Variants in TUBB8B observed in about 807,000 individuals in gnomAD.
TUBB8B encodes HSA18p11 beta-tubulin 4Q pseudogene.
In TUBB8B, 26 loss-of-function variants were observed where a neutral mutation model predicts 31.9. The ratio of observed to expected loss-of-function variants is 0.81; its 90% CI spans 0.60 to 1.13. The LOEUF is 1.13. Among genes scored for constraint, TUBB8B ranks in the 50% most tolerant of loss-of-function variants. The pLI is 0.00. For missense variants in TUBB8B, 467 were observed against 586.7 expected, an observed-to-expected ratio of 0.80 and a Z score of 2.11; for synonymous variants, 173 against 231.0, an observed-to-expected ratio of 0.75 and a Z score of 2.28.
At chr18:71,070 A>G in the TUBB8B span, among the ~76,000 whole-genome samples, 4 of 151,186 alleles carry the variant, frequency 2.6e-5, no homozygotes, top group African/African-American at 7.3e-5. Flanking sequence ...CGACGTAAAG[A>G]TCCTGCTTAA....
chr18:56,639 A>G, the TUBB8B span, among the ~76,000 whole-genome samples: 1 of 151,918 alleles, frequency 6.6e-6, no homozygotes. Context: ...GGCATATAGA[A>G]ATCCTACTGA....
the TUBB8B span, among the ~76,000 whole-genome samples, chr18:65,523 C>T: frequency 6.6e-6 from 1 of 152,130 alleles, no homozygotes; most frequent in Non-Finnish European, 1.5e-5. Flanking sequence ...ACAAAGTCAA[C>T]ACCATTTCAT....
chr18:58,666 A>G, the TUBB8B span, among the ~76,000 whole-genome samples: 2 of 151,886 alleles, frequency 1.3e-5, no homozygotes, highest in South Asian at 4.2e-4. Flanking sequence ...TGAATCCTAC[A>G]AACTCTTCCA....
the TUBB8B span, among the ~76,000 whole-genome samples, chr18:58,917 T>C: frequency 2.6e-5 from 4 of 151,736 alleles, no homozygotes; most frequent in African/African-American, 9.7e-5. Context: ...TTTACAGTCA[T>C]GGCAAAAGTT....
At chr18:73,000 A>C in the TUBB8B span, among the ~76,000 whole-genome samples, 1 of 152,102 alleles carries the variant, frequency 6.6e-6, no homozygotes, top group African/African-American at 2.4e-5. Context: ...ATGAGCACTG[A>C]TCCGGGGGTG....
At position 47,580 on chromosome 18, in the gene TUBB8B, G is replaced by A; in HGVS notation, c.1145C>T (p.Ser382Leu). The change falls in exon 4 of 4, where the codon TCA becomes TTA. Residue 382 changes from serine (S) to leucine (L), a missense_variant. By Grantham distance (145) the Ser-to-Leu change is moderately radical. Coordinates refer to ENST00000308911, the MANE Select transcript of TUBB8B (RefSeq NM_001358689.2). ...CCTGAACATTGCTGTAAACTGCTCT[G>A]AGACACATGTGAAGAGTTCCTGGAT... Reference protein sequence around the residue: ...AAIQELFTCVSEQFTAMFRRK... With the variant: ...AAIQELFTCVLEQFTAMFRRK... The A allele has an allele frequency of 7.6e-7, 1 of 1,308,400 alleles. No individual in the cohort carries two copies. The highest frequency in any genetic ancestry group is 1.4e-5 in the South Asian group (1 of 71,338). The allele number at this position is 1,308,400 out of a possible 1,614,324, so 81.0% of individuals were successfully genotyped here. A position where few individuals can be genotyped will look rare whatever the true frequency, so the allele number is the denominator to read the frequency against.
At chr18:66,271 G>T in the TUBB8B span, among the ~76,000 whole-genome samples, 7 of 152,182 alleles carry the variant, frequency 4.6e-5, no homozygotes, top group African/African-American at 1.7e-4. Flanking sequence ...AAATCAACAG[G>T]CTGGACATGG....
chr18:68,015 G>C, the TUBB8B span, among the ~76,000 whole-genome samples: 1 of 152,150 alleles, frequency 6.6e-6, no homozygotes, highest in Non-Finnish European at 1.5e-5. Flanking sequence ...CCTCAATACT[G>C]ATATTGCAGC....
the TUBB8B span, among the ~76,000 whole-genome samples, chr18:71,569 T>TAAAAAAAAA: frequency 1.7e-5 from 1 of 57,606 alleles, no homozygotes; most frequent in Non-Finnish European, 3.0e-5. Flanking sequence ...AAAAAAAATT[T>TAAAAAAAAA]AAAAAAAAAA....
the TUBB8B span, among the ~76,000 whole-genome samples, chr18:59,893 A>G: frequency 6.6e-6 from 1 of 151,612 alleles, no homozygotes; most frequent in African/African-American, 2.4e-5. Context: ...TGCGTGTTGA[A>G]CCATCCTTGT....
In TUBB8B at chr18:47,773, T is replaced by C; in HGVS notation, c.952A>G (p.Arg318Gly). 6.2e-7 allele frequency: 1 copy of C among 1,611,528 alleles called. No individual in the cohort carries two copies. The highest frequency in any genetic ancestry group is 8.5e-7 in the Non-Finnish European group (1 of 1,179,412). ...ACCTCCCTCATGGGCATGCGACCCCTGAAAATGGCAGCCACCGTTAGGTAG... is the reference window on the plus strand; with the variant it reads ...ACCTCCCTCATGGGCATGCGACCCCCGAAAATGGCAGCCACCGTTAGGTAG... ...GCYLTVAAIF[R>G]GRMPMREVDE... Residue 318 changes from arginine to glycine, a missense_variant, in exon 4 of 4, where the codon AGG becomes GGG. Around this residue, in one of 2 missense-constraint regions of TUBB8B, gnomAD observed 208 missense variants for 206.7 expected, o/e 1.01. Coordinates refer to ENST00000308911, the MANE Select transcript of TUBB8B (RefSeq NM_001358689.2).
chr18:72,047 C>T, the TUBB8B span, among the ~76,000 whole-genome samples: 3 of 151,782 alleles, frequency 2.0e-5, no homozygotes, highest in Middle Eastern at 3.2e-3. Flanking sequence ...GGCGTTGTGG[C>T]AGGCGCCTGT....
the TUBB8B span, among the ~76,000 whole-genome samples, chr18:64,432 G>A: frequency 1.3e-5 from 2 of 152,106 alleles, no homozygotes; most frequent in East Asian, 3.9e-4. Context: ...ATCTTTGCCT[G>A]CCTGTGTGCA....
chr18:47,908 G>A lies in TUBB8B; in HGVS notation c.817C>T (p.Leu273=), dbSNP rs1415737886. ...LHFFMPGFAP[L]TSRGSQQYRA... is the part of the protein sequence containing the mutation. ...TACTGCTGGCTGCCCCGGCTGGTCAGTGGGGCAAAGCCGGGCATGAAGAAA... is the reference window on the plus strand; with the variant it reads ...TACTGCTGGCTGCCCCGGCTGGTCAATGGGGCAAAGCCGGGCATGAAGAAA... The change falls in exon 4 of 4, where the codon CTG becomes TTG. Residue 273 remains leucine, a synonymous_variant. Coordinates refer to ENST00000308911, the MANE Select transcript of TUBB8B (RefSeq NM_001358689.2). 3.7e-6 allele frequency: 6 copies of A among 1,611,316 alleles called. No individual in the cohort carries two copies. The highest frequency in any genetic ancestry group is 5.1e-6 in the Non-Finnish European group (6 of 1,179,788).
intron 3 of TUBB8B, 144 bp from the exon 4 acceptor site, chr18:48,591 CAGAGTT>C (rs1163059804): frequency 5.5e-6 from 4 of 730,204 alleles, no homozygotes; most frequent in Non-Finnish European, 9.8e-6. Context: ...CTCCCTCCTC[CAGAGTT>C]ACAGGACAGC....
chr18:48,809 A>G lies in TUBB8B; in HGVS notation c.277+131T>C, dbSNP rs1244829745. The G allele has an allele frequency of 8.0e-6, 6 of 752,962 alleles. No individual in the cohort carries two copies. In the South Asian group the frequency reaches 8.7e-5, roughly 11 times the overall value. 46.6% of individuals were successfully genotyped at this position (752,962 alleles called of 1,614,324 possible). On this transcript the variant is annotated intron_variant, in intron 3 of 3. Coordinates refer to ENST00000308911, the MANE Select transcript of TUBB8B (RefSeq NM_001358689.2). The stretch of plus-strand genomic sequence containing the variant: ...GCCCATTTAGGAGGCAGATGAAGCG[A>G]CTCGACTCGGCGGATAGGAGGGTGT...
chr18:57,604 G>A, the TUBB8B span, among the ~76,000 whole-genome samples: 4 of 151,866 alleles, frequency 2.6e-5, no homozygotes, highest in Admixed American at 2.0e-4. Context: ...TTTTGCAGGT[G>A]CAAAGTGCAA....
At chr18:65,986 T>A in the TUBB8B span, among the ~76,000 whole-genome samples, 2 of 152,122 alleles carry the variant, frequency 1.3e-5, no homozygotes, top group Non-Finnish European at 2.9e-5. Flanking sequence ...ACCAGCACTT[T>A]GAGATGCTGA....
At chr18:70,067 T>C in the TUBB8B span, among the ~76,000 whole-genome samples, 3 of 151,852 alleles carry the variant, frequency 2.0e-5, no homozygotes, top group Non-Finnish European at 2.9e-5. Flanking sequence ...TGAGGACGAA[T>C]TGCTTGAACA....
Sources: allele counts gnomAD v4.1 joint callset (sites outside exome capture counted in the v4.1 genomes callset), GRCh38; gene constraint gnomAD v4.1.1; regional missense constraint gnomAD v4.1.1; transcripts MANE v1.5; gene names NCBI Gene and HGNC (gene_info 2026-07-23, HGNC 2026-07-21).